GALNT13: variants seen among roughly 807,000 people sequenced by gnomAD.
The protein encoded by GALNT13 is polypeptide N-acetylgalactosaminyltransferase 13.
Under a neutral mutation model 64.2 loss-of-function variants are expected in GALNT13, and 28 were observed. The observed-to-expected ratio is 0.44, with a 90% CI of 0.32 to 0.60. GALNT13 has a LOEUF of 0.60. Among genes scored for constraint, GALNT13 ranks in the 20% least tolerant of loss-of-function variants. The pLI, the probability that GALNT13 is intolerant of heterozygous loss-of-function variation, is 0.05. For missense variants in GALNT13, 577 were observed against 669.8 expected (o/e 0.86, Z 1.53); for synonymous variants, 214 against 224.6 (o/e 0.95, Z 0.42).
chr2:153,445,095 A>G, the GALNT13 span, among the ~76,000 whole-genome samples: 1 of 152,208 alleles, frequency 6.6e-6, no homozygotes, highest in Non-Finnish European at 1.5e-5. Flanking sequence ...ATGGTAACAC[A>G]TAAGTACTGA....
chr2:154,147,120 CATT>C (rs1683653234), intron 4 of GALNT13, among the ~76,000 whole-genome samples: 1 of 151,880 alleles, frequency 6.6e-6, no homozygotes, highest in African/African-American at 2.4e-5. Flanking sequence ...GAATCTTTAG[CATT>C]ATTTTCATTT....
At chr2:153,968,443 T>C (rs1693522608) in intron 3 of GALNT13, among the ~76,000 whole-genome samples, 1 of 152,210 alleles carries the variant, frequency 6.6e-6, no homozygotes, top group Non-Finnish European at 1.5e-5. Flanking sequence ...GCTGTGCCTC[T>C]TGGGGTTAGA....
intron 3 of GALNT13, among the ~76,000 whole-genome samples, chr2:154,084,328 A>G (rs1163571918): frequency 1.3e-5 from 2 of 151,874 alleles, no homozygotes; most frequent in African/African-American, 4.8e-5. Flanking sequence ...CTTTGTTTAC[A>G]TAGTTTCTAC....
At chr2:153,204,484 C>G in the GALNT13 span, among the ~76,000 whole-genome samples, 1 of 152,138 alleles carries the variant, frequency 6.6e-6, no homozygotes, top group South Asian at 2.1e-4. Context: ...ACTGGCTTTT[C>G]TTTTTCAAGA....
At chr2:153,842,723 AACAC>A in the GALNT13 span, among the ~76,000 whole-genome samples, 28 of 150,358 alleles carry the variant, frequency 1.9e-4, no homozygotes, top group South Asian at 4.6e-3. Context: ...ACAAAAGGAT[AACAC>A]ACACACACAC....
chr2:153,745,902 T>G, the GALNT13 span, among the ~76,000 whole-genome samples: 6 of 152,172 alleles, frequency 3.9e-5, no homozygotes, highest in Non-Finnish European at 8.8e-5. Context: ...GCTGCTGTTC[T>G]GTATATTGCA....
the GALNT13 span, among the ~76,000 whole-genome samples, chr2:153,828,353 C>A: frequency 2.0e-5 from 3 of 152,248 alleles, no homozygotes; most frequent in Non-Finnish European, 4.4e-5. Flanking sequence ...TCTGCCTGGG[C>A]ATCCAGGAGT....
chr2:153,527,552 G>A, the GALNT13 span, among the ~76,000 whole-genome samples: 1 of 152,088 alleles, frequency 6.6e-6, no homozygotes, highest in Non-Finnish European at 1.5e-5. Flanking sequence ...AGAAAGAGAA[G>A]GATGTTAATG....
chr2:154,400,415 T>C (rs1699248964), intron 10 of GALNT13, among the ~76,000 whole-genome samples: 1 of 152,194 alleles, frequency 6.6e-6, no homozygotes. Flanking sequence ...TTTTTCAAAC[T>C]CTATTTGATA....
At chr2:154,261,868 G>T (rs891765459) in intron 8 of GALNT13, among the ~76,000 whole-genome samples, 18 of 152,010 alleles carry the variant, frequency 1.2e-4, no homozygotes, top group African/African-American at 4.1e-4. Flanking sequence ...TGGTTTTGTA[G>T]CTGTGGTCTA....
At chr2:153,556,325 A>G in the GALNT13 span, among the ~76,000 whole-genome samples, 3 of 152,316 alleles carry the variant, frequency 2.0e-5, 1 homozygote, top group African/African-American at 7.2e-5. Context: ...GTTTATTTCC[A>G]CTTCAGTCTA....
chr2:153,313,726 T>C, the GALNT13 span, among the ~76,000 whole-genome samples: 1 of 152,190 alleles, frequency 6.6e-6, no homozygotes, highest in East Asian at 1.9e-4. Context: ...TTTTAAAGGA[T>C]TGTTTTTGCT....
chr2:153,952,875 A>T (rs1692294829), intron 3 of GALNT13, among the ~76,000 whole-genome samples: 1 of 152,164 alleles, frequency 6.6e-6, no homozygotes, highest in South Asian at 2.1e-4. Flanking sequence ...AAAGCTGAAG[A>T]ACTTGGAGTT....
At chr2:153,295,825 G>A in the GALNT13 span, among the ~76,000 whole-genome samples, 3 of 152,160 alleles carry the variant, frequency 2.0e-5, no homozygotes, top group African/African-American at 7.2e-5. Flanking sequence ...CAGGCACATT[G>A]AAGGATCAGA....
intron 3 of GALNT13, among the ~76,000 whole-genome samples, chr2:154,121,863 G>A (rs539764019): frequency 4.6e-5 from 7 of 151,736 alleles, no homozygotes; most frequent in Admixed American, 3.3e-4. Flanking sequence ...TGCCTTATTG[G>A]TCTGAGATCC....
At position 153,934,740 on chromosome 2, in the gene GALNT13, C is replaced by G. The variant is rs552201100; in HGVS notation, c.-104-9654C>G. On this transcript the variant is annotated intron_variant, in intron 2 of 12. Coordinates refer to ENST00000392825, the MANE Select transcript of GALNT13 (RefSeq NM_052917.4). The stretch of plus-strand genomic sequence containing the variant: ...GGATTCCTACTTACATGGTGGGTTG[C>G]ATTACAGAAAAAGACCAATAACCTT... 3.7e-4 allele frequency among the ~76,000 whole-genome samples: 57 copies of G among 152,254 alleles called. No homozygotes were observed. The East Asian group carries it at 0.011, about 29-fold the overall frequency.
chr2:154,157,895 T>G (rs1387541404), intron 4 of GALNT13, among the ~76,000 whole-genome samples: 1 of 152,210 alleles, frequency 6.6e-6, no homozygotes, highest in Non-Finnish European at 1.5e-5. Flanking sequence ...GGCTTTTAAG[T>G]CACTACACTG....
At chr2:153,744,640 G>A in the GALNT13 span, among the ~76,000 whole-genome samples, 1 of 152,044 alleles carries the variant, frequency 6.6e-6, no homozygotes, top group African/African-American at 2.4e-5. Context: ...GAAATTCCAG[G>A]TTGTTTCTCA....
intron 9 of GALNT13, among the ~76,000 whole-genome samples, chr2:154,377,091 A>T (rs1405482410): frequency 9.9e-5 from 15 of 152,174 alleles, no homozygotes; most frequent in Admixed American, 9.8e-4. Flanking sequence ...TCAAAATAGT[A>T]TTTTTGAAAA....
Sources: allele counts gnomAD v4.1 joint callset (sites outside exome capture counted in the v4.1 genomes callset), GRCh38; gene constraint gnomAD v4.1.1; transcripts MANE v1.5; gene names NCBI Gene and HGNC (gene_info 2026-07-23, HGNC 2026-07-21).